MAF: variants seen among roughly 807,000 people sequenced by gnomAD.
The protein encoded by MAF is transcription factor Maf.
A neutral mutation model predicts 22.0 loss-of-function variants in MAF; 10 were observed. That is an observed-to-expected ratio of 0.45 (90% CI 0.28 to 0.77). The LOEUF is 0.77. Ranked by LOEUF, MAF falls within the 30% of genes least tolerant of loss-of-function variation. The pLI is 0.12. For missense variants in MAF, 544 were observed against 548.4 expected, an observed-to-expected ratio of 0.99 and a Z score of 0.08; for synonymous variants, 337 against 255.8, an observed-to-expected ratio of 1.32 and a Z score of -3.03.
chr16:79,266,822 C>A, the MAF span, among the ~76,000 whole-genome samples: 4 of 152,234 alleles, frequency 2.6e-5, no homozygotes, highest in Middle Eastern at 3.4e-3. Context: ...CTGCTGCCTG[C>A]CTTGTTAGAA....
downstream of MAF, among the ~76,000 whole-genome samples, chr16:79,582,912 C>A (rs1484820560): frequency 6.6e-6 from 1 of 152,144 alleles, no homozygotes; most frequent in Non-Finnish European, 1.5e-5. Context: ...GGGTCAAGAC[C>A]AGCCACCTGG....
chr16:79,518,794 G>A, the MAF span, among the ~76,000 whole-genome samples: 834 of 152,222 alleles, frequency 5.5e-3, 2 homozygotes, highest in Non-Finnish European at 8.6e-3. Flanking sequence ...GCTTGGTGGC[G>A]CATGCCCATA....
the MAF span, among the ~76,000 whole-genome samples, chr16:79,434,048 T>A: frequency 6.6e-6 from 1 of 152,188 alleles, no homozygotes; most frequent in Admixed American, 6.5e-5. Flanking sequence ...GTGACTGTTC[T>A]CCCCGTTGCA....
the MAF span, among the ~76,000 whole-genome samples, chr16:79,424,158 G>C: frequency 1.3e-5 from 2 of 152,188 alleles, no homozygotes; most frequent in Non-Finnish European, 2.9e-5. Context: ...TTATCTGGTT[G>C]CAAGAGCTGG....
chr16:79,275,917 A>C, the MAF span, among the ~76,000 whole-genome samples: 1 of 152,160 alleles, frequency 6.6e-6, no homozygotes, highest in Admixed American at 6.5e-5. Context: ...CGAGGCAGGC[A>C]GATCACGAGG....
chr16:79,306,107 T>G, the MAF span, among the ~76,000 whole-genome samples: 1 of 152,230 alleles, frequency 6.6e-6, no homozygotes, highest in African/African-American at 2.4e-5. Context: ...AACGTTGGCC[T>G]TTTAGGGCTC....
At chr16:79,584,345 C>A (rs1053151630), downstream of MAF, among the ~76,000 whole-genome samples, 7 of 152,142 alleles carry the variant, frequency 4.6e-5, no homozygotes, top group African/African-American at 1.7e-4. Flanking sequence ...TTGAACTTTT[C>A]ATATATCAGC....
At chr16:79,464,202 G>A in the MAF span, among the ~76,000 whole-genome samples, 1 of 152,166 alleles carries the variant, frequency 6.6e-6, no homozygotes, top group East Asian at 1.9e-4. Flanking sequence ...TTTTGGAATA[G>A]GAGTACAGGG....
chr16:79,424,715 AAAC>A, the MAF span, among the ~76,000 whole-genome samples: 2 of 152,160 alleles, frequency 1.3e-5, no homozygotes, highest in South Asian at 2.1e-4. Context: ...AGATGGTGTT[AAAC>A]AACAACAACA....
chr16:79,595,623 G>C (rs1050478206), intron 1 of MAF: 1 of 1,058,232 alleles, frequency 9.4e-7, no homozygotes, highest in African/African-American at 1.6e-5. Flanking sequence ...AGTGAAGGTA[G>C]TTTTGAGTCT....
At chr16:79,402,441 G>T in the MAF span, among the ~76,000 whole-genome samples, 1 of 152,194 alleles carries the variant, frequency 6.6e-6, no homozygotes, top group Non-Finnish European at 1.5e-5. Flanking sequence ...GAGGCTACAA[G>T]CATTCTTCCA....
the MAF span, among the ~76,000 whole-genome samples, chr16:79,314,154 C>T: frequency 6.6e-6 from 1 of 152,124 alleles, no homozygotes; most frequent in African/African-American, 2.4e-5. Flanking sequence ...CTCTGGAAAG[C>T]TGTTGTTATT....
At chr16:79,445,824 G>C in the MAF span, among the ~76,000 whole-genome samples, 1 of 152,218 alleles carries the variant, frequency 6.6e-6, no homozygotes, top group Non-Finnish European at 1.5e-5. Flanking sequence ...TTTGATTGTG[G>C]TGTATTATAG....
At chr16:79,577,153 C>T in the MAF span, among the ~76,000 whole-genome samples, 2 of 152,208 alleles carry the variant, frequency 1.3e-5, no homozygotes, top group Non-Finnish European at 1.5e-5. Context: ...TTTTCAGAGC[C>T]GGAGGGGTCT....
At chr16:79,491,850 G>A in the MAF span, among the ~76,000 whole-genome samples, 2 of 152,244 alleles carry the variant, frequency 1.3e-5, no homozygotes, top group South Asian at 4.1e-4. Flanking sequence ...ATGGAGGAAA[G>A]GGGGATTTTA....
the MAF span, among the ~76,000 whole-genome samples, chr16:79,323,387 G>A: frequency 6.6e-6 from 1 of 151,886 alleles, no homozygotes; most frequent in Non-Finnish European, 1.5e-5. Context: ...ATTATTATGG[G>A]TTGTTTTTCA....
At chr16:79,520,976 A>G in the MAF span, among the ~76,000 whole-genome samples, 3 of 152,212 alleles carry the variant, frequency 2.0e-5, no homozygotes, top group Admixed American at 1.3e-4. Context: ...AGGCTCAGAG[A>G]GTTCAAGTAA....
At chr16:79,206,582 C>G in the MAF span, 1 of 152,210 alleles carries the variant, frequency 6.6e-6, no homozygotes, top group African/African-American at 2.4e-5. Flanking sequence ...TCATTGATGT[C>G]ACTTGAATAG....
chr16:79,506,327 C>T, the MAF span, among the ~76,000 whole-genome samples: 6 of 152,122 alleles, frequency 3.9e-5, no homozygotes, highest in Non-Finnish European at 1.5e-5. Context: ...GCCTTGGGTT[C>T]CTTTGCCCAT....
Sources: gnomAD v4.1 joint callset for allele counts (sites outside exome capture counted in the v4.1 genomes callset) on GRCh38, gnomAD v4.1.1 for gene constraint, MANE v1.5 for transcripts, NCBI Gene and HGNC (gene_info 2026-07-23, HGNC 2026-07-21) for gene names.